CACNA1I: variants seen among roughly 807,000 people sequenced by gnomAD.
The protein encoded by CACNA1I is calcium voltage-gated channel subunit alpha1 I.
CACNA1I carries 74 observed loss-of-function variants against 201.6 expected under a neutral mutation model. That is an observed-to-expected ratio of 0.37 (90% CI 0.30 to 0.45). CACNA1I has a LOEUF of 0.45. Ranked by LOEUF, CACNA1I falls within the 20% of genes least tolerant of loss-of-function variation. The pLI is 1.00. For missense variants in CACNA1I, 2,346 were observed against 3,138.1 expected (o/e 0.75, Z 6.03); for synonymous variants, 1,431 against 1,345.2 (o/e 1.06, Z -1.40).
chr22:39,619,612 C>T (rs1353406059), intron 4 of CACNA1I, among the ~76,000 whole-genome samples: 1 of 152,062 alleles, frequency 6.6e-6, no homozygotes, highest in Non-Finnish European at 1.5e-5. Flanking sequence ...GGCCTGAAGA[C>T]ACTGGCAGGT....
Position 39,662,299 on chromosome 22 carries a change from G to A in CACNA1I, c.3236G>A (p.Arg1079Gln). The A allele has an allele frequency of 6.7e-7, 1 of 1,498,552 alleles. No homozygotes were observed. Among genetic ancestry groups the A allele is most frequent in the Non-Finnish European group, 8.8e-7 (1 of 1,130,910 alleles). The allele number at this position is 1,498,552 out of a possible 1,614,324, so 92.8% of individuals were successfully genotyped here. A position where few individuals can be genotyped will look rare whatever the true frequency, so the allele number is the denominator to read the frequency against. Reference sequence around the variant, plus strand: ...GTGCCCGCGGTGGGCGCCCACCCCCGGGCCGCCTGGAGGGCGGCAGGCCCG... The same window carrying A: ...GTGCCCGCGGTGGGCGCCCACCCCCAGGCCGCCTGGAGGGCGGCAGGCCCG... The part of the protein sequence containing the change: ...ELVPAVGAHP[R>Q]AAWRAAGPAP... Residue 1079 changes from arginine (R) to glutamine (Q), a missense_variant, in exon 17 of 37, where the codon CGG (arginine) becomes CAG (glutamine). By Grantham distance (43) the Arg-to-Gln change is conservative. This residue lies in a region of CACNA1I where 288 missense variants were observed against 255.2 expected (regional missense o/e 1.13). Coordinates refer to ENST00000402142, the MANE Select transcript of CACNA1I (RefSeq NM_021096.4).
intron 3 of CACNA1I, among the ~76,000 whole-genome samples, chr22:39,603,507 G>A (rs1933126652): frequency 6.6e-6 from 1 of 151,710 alleles, no homozygotes; most frequent in African/African-American, 2.4e-5. Context: ...GCCTGTTCTT[G>A]TTTTATGGAT....
At chr22:39,579,782 G>A (rs1377058326) in intron 1 of CACNA1I, among the ~76,000 whole-genome samples, 1 of 152,092 alleles carries the variant, frequency 6.6e-6, no homozygotes, top group African/African-American at 2.4e-5. Context: ...GAGTAGCTGG[G>A]ATTACAGGCG....
chr22:39,644,421 A>G (rs73424195), intron 7 of CACNA1I, among the ~76,000 whole-genome samples: 5,495 of 152,188 alleles, frequency 0.036, 319 homozygotes, highest in African/African-American at 0.12. Flanking sequence ...CACAGTGAGT[A>G]CTCAGTACAT....
rs371037584 is a variant in CACNA1I, at chr22:39,664,926, G to A, written c.3851+3G>A. 62 of 1,610,988 alleles carry A rather than the reference G, an allele frequency of 3.8e-5. No homozygotes were observed. The African/African-American group carries it at 7.5e-4, about 19-fold the overall frequency. ...CTGCGCACCCTACGCCCCCTGCGGT[G>A]AGGACCCCTCCTGGGCGGATGGGGG... On this transcript the variant is annotated splice_donor_region_variant and intron_variant, in intron 21 of 36. Coordinates refer to ENST00000402142, the MANE Select transcript of CACNA1I (RefSeq NM_021096.4).
rs531942094 is a variant in CACNA1I at position 39,683,961 on chromosome 22, A to G, written c.5831-341A>G. Among the ~76,000 whole-genome samples, 161 of 152,272 alleles carry G rather than the reference A, an allele frequency of 1.1e-3. 1 individual carries two copies. The highest frequency in any genetic ancestry group is 0.01 in the Middle Eastern group (3 of 294). On this transcript the variant is annotated intron_variant, in intron 35 of 36. Coordinates refer to ENST00000402142, the MANE Select transcript of CACNA1I (RefSeq NM_021096.4). ...ACTTGGTACTGAGCTGGGAGCTTCCAGCTGTTTCTTCTCCTTATGCCCCTC... is the reference window on the plus strand; with the variant it reads ...ACTTGGTACTGAGCTGGGAGCTTCCGGCTGTTTCTTCTCCTTATGCCCCTC...
intron 1 of CACNA1I, among the ~76,000 whole-genome samples, chr22:39,580,743 G>A (rs1932521960): frequency 6.6e-6 from 1 of 152,116 alleles, no homozygotes; most frequent in South Asian, 2.1e-4. Flanking sequence ...GTGGGACTTG[G>A]GCAAATTCAC....
chr22:39,665,962 T>C lies in CACNA1I; in HGVS notation c.4060T>C (p.Tyr1354His). 1 of 1,613,792 alleles carries C rather than the reference T, an allele frequency of 6.2e-7. No individual in the cohort carries two copies. The highest frequency in any genetic ancestry group is 8.5e-7 in the Non-Finnish European group (1 of 1,179,862). The change falls in exon 23 of 37, where the codon TAC becomes CAC. Residue 1354 changes from tyrosine (Y) to histidine (H), a missense_variant. Around this residue, in one of 13 missense-constraint regions of CACNA1I, gnomAD observed 228 missense variants for 395.7 expected, o/e 0.58. Transcript: ENST00000402142. The surrounding 1 kb of genome is among the most constrained non-coding windows in gnomAD (Gnocchi z 5.5). ...CCGCTCGGACTGCATGGCCGCCAAC[T>C]ACCGCTGGGTCCATCACAAATACAA... The part of the protein sequence containing the change: ...TNRSDCMAAN[Y>H]RWVHHKYNFD...
chr22:39,661,293 T>G lies in CACNA1I; in HGVS notation c.2884T>G (p.Tyr962Asp), dbSNP rs1377674338. The G allele has an allele frequency of 1.3e-6, 2 of 1,582,550 alleles. No individual in the cohort carries two copies. Among genetic ancestry groups the G allele is most frequent in the Non-Finnish European group, 8.6e-7 (1 of 1,163,872 alleles). Residue 962 changes from tyrosine (Y) to aspartate (D), a missense_variant, in exon 16 of 37, where the codon TAT becomes GAT. Physicochemically the swap from Tyr to Asp is radical, Grantham distance 160. Coordinates refer to ENST00000402142, the MANE Select transcript of CACNA1I (RefSeq NM_021096.4). ...TGTCATGTCTCTAGGGAGGATGAGC[T>G]ATGACCAGCGCTCCCTGGTGAGTCC... ...SSVMSLGRMS[Y>D]DQRSLSSSRS... is the part of the protein sequence containing the mutation.
chr22:39,654,238 T>A (rs1406522153), intron 10 of CACNA1I, among the ~76,000 whole-genome samples: 4 of 152,200 alleles, frequency 2.6e-5, no homozygotes, highest in African/African-American at 4.8e-5. Context: ...ACAGTTGAAC[T>A]GGAGGAAGGC....
At position 39,672,200 on chromosome 22, in the gene CACNA1I, C is replaced by T; in HGVS notation, c.4541C>T (p.Ser1514Phe). The change falls in exon 27 of 37, where the codon TCC (serine) becomes TTC (phenylalanine). Residue 1514 changes from serine to phenylalanine, a missense_variant and splice_region_variant. Physicochemically the swap from Ser to Phe is radical, Grantham distance 155. Transcript: ENST00000402142. ...ATGCTTCTCTTTGTTCCTCCATAGT[C>T]CCTGGAGACAGCCCTCAAGTACTGC... is the stretch of plus-strand genomic sequence containing the variant. ...MSLEHYNQPT[S>F]LETALKYCNY... The T allele has an allele frequency of 6.2e-7, 1 of 1,604,992 alleles. No homozygotes were observed. The highest frequency in any genetic ancestry group is 1.1e-5 in the South Asian group (1 of 90,878).
At chr22:39,580,909 C>A (rs563466241) in intron 1 of CACNA1I, among the ~76,000 whole-genome samples, 3 of 152,226 alleles carry the variant, frequency 2.0e-5, no homozygotes, top group South Asian at 2.1e-4. Flanking sequence ...GTGTTGGACA[C>A]TGGTCTGGGC....
chr22:39,681,665 G>C (rs1022316077), intron 34 of CACNA1I, among the ~76,000 whole-genome samples: 1 of 151,972 alleles, frequency 6.6e-6, no homozygotes, highest in South Asian at 2.1e-4. Flanking sequence ...GCAGTCTTAG[G>C]GGGTGAGATC....
At chr22:39,632,520 A>T (rs1259026383) in intron 4 of CACNA1I, among the ~76,000 whole-genome samples, 1 of 150,182 alleles carries the variant, frequency 6.7e-6, no homozygotes, top group African/African-American at 2.4e-5. Context: ...CCCCAGACAC[A>T]GTCCTTTGGC....
At chr22:39,622,938 G>A (rs1055069684) in intron 4 of CACNA1I, among the ~76,000 whole-genome samples, 2 of 152,220 alleles carry the variant, frequency 1.3e-5, no homozygotes, top group African/African-American at 4.8e-5. Flanking sequence ...AGGCCACGGA[G>A]CCCACAGGCA....
chr22:39,637,264 C>T (rs912289774), intron 5 of CACNA1I, among the ~76,000 whole-genome samples: 2 of 152,186 alleles, frequency 1.3e-5, no homozygotes, highest in Non-Finnish European at 1.5e-5. Flanking sequence ...CAAGACCAGC[C>T]AGGGTGGGGA....
Position 39,665,784 on chromosome 22 carries a change from G to A in CACNA1I, c.3979-97G>A, listed in dbSNP as rs1463780140. ...GACAGACATGGGCCCAGATGACTGA[G>A]CACAAGACAGTCTGAGTAAACGCGA... On this transcript the variant is annotated intron_variant, in intron 22 of 36. Coordinates refer to ENST00000402142, the MANE Select transcript of CACNA1I (RefSeq NM_021096.4). This position sits in a 1 kb window ranked among gnomAD's most constrained non-coding sequence, Gnocchi z 5.5. 2.4e-5 allele frequency: 38 copies of A among 1,568,926 alleles called. No individual in the cohort carries two copies. The highest frequency in any genetic ancestry group is 3.1e-5 in the Non-Finnish European group (35 of 1,145,656).
intron 5 of CACNA1I, among the ~76,000 whole-genome samples, chr22:39,636,990 G>A (rs866358708): frequency 4.1e-4 from 63 of 152,208 alleles, no homozygotes; most frequent in Non-Finnish European, 5.7e-4. Context: ...AGATGGGAAG[G>A]GACTCACCCA....
At chr22:39,623,034 C>T (rs73424147) in intron 4 of CACNA1I, among the ~76,000 whole-genome samples, 4,134 of 152,276 alleles carry the variant, frequency 0.027, 171 homozygotes, top group African/African-American at 0.092. Context: ...ACCTCTTGTC[C>T]GGTCTAGGGT....
Sources: allele counts gnomAD v4.1 joint callset (sites outside exome capture counted in the v4.1 genomes callset), GRCh38; gene constraint gnomAD v4.1.1; regional missense constraint gnomAD v4.1.1; non-coding constraint Gnocchi (gnomAD v3.1); transcripts MANE v1.5; gene names NCBI Gene and HGNC (gene_info 2026-07-23, HGNC 2026-07-21).